Variants in EMSY observed in about 807,000 individuals in gnomAD.
The protein encoded by EMSY is BRCA2-interacting transcriptional repressor EMSY.
In EMSY, 26 loss-of-function variants were observed where a neutral mutation model predicts 134.6. The observed-to-expected ratio is 0.19, with a 90% CI of 0.14 to 0.27. The LOEUF (loss-of-function observed/expected upper bound fraction) is 0.27. EMSY is among the 10% of genes least tolerant of loss of function. The pLI is 1.00. For missense variants in EMSY, 1,305 were observed against 1,611.4 expected, an observed-to-expected ratio of 0.81 and a Z score of 3.26; for synonymous variants, 579 against 577.8, an observed-to-expected ratio of 1.00 and a Z score of -0.03.
At chr11:76,502,434 A>T (rs1705884368) in intron 9 of EMSY, among the ~76,000 whole-genome samples, 2 of 149,522 alleles carry the variant, frequency 1.3e-5, no homozygotes, top group African/African-American at 4.9e-5. Context: ...TTTGCAGATG[A>T]CATGATCCTT....
chr11:76,544,744 A>C, exon 19 of EMSY: 1 of 1,614,184 alleles, frequency 6.2e-7, no homozygotes, highest in Non-Finnish European at 8.5e-7. Flanking sequence ...CGAACCAACC[A>C]AAAATCTACG....
chr11:76,552,792 A>AACC (rs1951867130), downstream of EMSY: 2 of 152,214 alleles, frequency 1.3e-5, no homozygotes, highest in Non-Finnish European at 1.5e-5. Context: ...CCTGAAATGA[A>AACC]ACCACCACCA....
chr11:76,468,758 AATATAACATTGATGCAGCACTT>A (rs770768417), intron 7 of EMSY, among the ~76,000 whole-genome samples: 7 of 152,076 alleles, frequency 4.6e-5, no homozygotes, highest in Non-Finnish European at 8.8e-5. Flanking sequence ...CTTCATTTTA[AATATAACATTGATGCAGCACTT>A]ATATATCAGA....
rs192203443 is a variant in EMSY at position 76,468,132 on chromosome 11, T to C, written c.831+4052T>C. ...GGACTCAGTGAAGTTTGTGAACTTT[T>C]TTTAAGTTCATTGACTTTACCATAT... is the stretch of plus-strand genomic sequence containing the variant. On this transcript the variant is annotated intron_variant, in intron 7 of 20. Transcript: ENST00000334736. Among the ~76,000 whole-genome samples the C allele has an allele frequency of 5.9e-5, 9 of 152,316 alleles. No individual in the cohort carries two copies. The East Asian group carries it at 1.7e-3, about 29-fold the overall frequency.
intron 9 of EMSY, among the ~76,000 whole-genome samples, chr11:76,499,232 AT>A (rs891974899): frequency 2.2e-5 from 3 of 137,238 alleles, no homozygotes; most frequent in African/African-American, 7.9e-5. Context: ...AAGTGCTAGG[AT>A]TACAGGTGTG....
intron 8 of EMSY, among the ~76,000 whole-genome samples, chr11:76,484,466 G>A (rs1237605087): frequency 6.6e-6 from 1 of 152,126 alleles, no homozygotes; most frequent in Non-Finnish European, 1.5e-5. Context: ...CCAGGAGCTG[G>A]TTTTTTGAAA....
chr11:76,546,391 C>A, intron 20 of EMSY, 94 bp downstream of exon 21: 2 of 1,452,478 alleles, frequency 1.4e-6, no homozygotes, highest in Non-Finnish European at 1.9e-6. Flanking sequence ...AGAATCAAGC[C>A]AAGACAGCAG....
chr11:76,544,570 C>T, exon 19 of EMSY: 1 of 1,614,120 alleles, frequency 6.2e-7, no homozygotes, highest in Non-Finnish European at 8.5e-7. Context: ...TCACCCCTCT[C>T]CAGCAAGAAC....
intron 14 of EMSY, among the ~76,000 whole-genome samples, 160 bp from the exon 16 acceptor site, chr11:76,535,735 A>T (rs567115047): frequency 1.6e-4 from 24 of 152,286 alleles, no homozygotes; most frequent in African/African-American, 4.3e-4. Flanking sequence ...AGTGAAAGAC[A>T]TTATGCCTTC....
At chr11:76,541,341 A>G (rs1028238319) in intron 17 of EMSY, among the ~76,000 whole-genome samples, 4 of 152,216 alleles carry the variant, frequency 2.6e-5, no homozygotes, top group African/African-American at 7.2e-5. Context: ...CTATACTGCA[A>G]TCTTACCCAT....
exon 6 of EMSY, chr11:76,459,962 A>G (rs762446624): frequency 1.9e-6 from 3 of 1,614,040 alleles, no homozygotes; most frequent in Non-Finnish European, 2.5e-6. Flanking sequence ...CACAAGTACC[A>G]CGTCAACCCC....
chr11:76,513,674 C>A, intron 10 of EMSY, 139 bp downstream of exon 11: 2 of 792,958 alleles, frequency 2.5e-6, no homozygotes, highest in Non-Finnish European at 3.8e-6. Flanking sequence ...GATTCTCACA[C>A]CCCTACTGAC....
intron 7 of EMSY, among the ~76,000 whole-genome samples, chr11:76,468,404 C>T (rs1720200885): frequency 6.6e-6 from 1 of 152,138 alleles, no homozygotes; most frequent in Admixed American, 6.5e-5. Context: ...TACTATGTTC[C>T]AGATGTAAAA....
In EMSY at chr11:76,538,058, C is replaced by T. The variant is rs948458544; in HGVS notation, c.2515+108C>T. ...TATTCTTTATATTTTTAGCTTTTTC[C>T]TCTTTGTTTTCAGAGCAAATTCACA... On this transcript the variant is annotated intron_variant, in intron 16 of 20. Transcript: ENST00000334736. 107 of 1,048,858 alleles carry T rather than the reference C, an allele frequency of 1.0e-4. 4 individuals are homozygous for T. The South Asian group carries it at 2.0e-3, about 19-fold the overall frequency. The allele number at this position is 1,048,858 out of a possible 1,614,324, so 65.0% of individuals were successfully genotyped here.
chr11:76,511,700 A>AAAT (rs1011180940), intron 9 of EMSY, among the ~76,000 whole-genome samples: 1 of 152,048 alleles, frequency 6.6e-6, no homozygotes, highest in African/African-American at 2.4e-5. Context: ...CTCCATCTCA[A>AAAT]AATAATAATA....
chr11:76,523,088 A>T (rs1950704232), intron 11 of EMSY, 67 bp from the exon 13 acceptor site: 1 of 1,474,952 alleles, frequency 6.8e-7, no homozygotes, highest in East Asian at 2.3e-5. Context: ...TGTGTATAAT[A>T]TAAACAAAAA....
chr11:76,544,209 A>C (rs962042496), intron 18 of EMSY, 50 bp from the exon 20 acceptor site: 1 of 1,502,534 alleles, frequency 6.7e-7, no homozygotes. Context: ...AAATGTAGCA[A>C]TGTAGATGTT....
At chr11:76,534,917 T>A (rs1951172183) in intron 14 of EMSY, among the ~76,000 whole-genome samples, 1 of 152,170 alleles carries the variant, frequency 6.6e-6, no homozygotes, top group African/African-American at 2.4e-5. Context: ...AATAGTCTAG[T>A]CCAACTTGCT....
intron 8 of EMSY, among the ~76,000 whole-genome samples, chr11:76,491,091 C>T (rs893145858): frequency 6.6e-6 from 1 of 152,062 alleles, no homozygotes. Context: ...TTGCCTCCTC[C>T]CCTGTGCAGG....
Sources: allele counts gnomAD v4.1 joint callset (sites outside exome capture counted in the v4.1 genomes callset), GRCh38; gene constraint gnomAD v4.1.1; transcripts MANE v1.5; gene names NCBI Gene and HGNC (gene_info 2026-07-23, HGNC 2026-07-21).